The following TTLL12 variants were observed in gnomAD, a reference collection of about 807,000 sequenced individuals.
TTLL12 encodes the protein tubulin--tyrosine ligase-like protein 12.
In TTLL12, 77 loss-of-function variants were observed where a neutral mutation model predicts 79.6. That is an observed-to-expected ratio of 0.97 (90% confidence interval 0.81 to 1.17). The LOEUF (loss-of-function observed/expected upper bound fraction) is 1.17, where lower values mean the gene tolerates loss of function less well. TTLL12 is among the 50% of genes most tolerant of loss of function. The probability of loss-of-function intolerance (pLI) is 0.00; values close to 1 mark genes in which losing one functional copy is unlikely to be tolerated. For synonymous variants in TTLL12, 437 were observed against 376.1 expected (o/e 1.16, Z -1.87); for missense variants, 969 against 895.9 (o/e 1.08, Z -1.04).
At chr22:43,169,695 C>T in intron 11 of TTLL12, 127 bp from the exon 12 acceptor site, 1 of 940,808 alleles carries the variant, frequency 1.1e-6, no homozygotes, top group Non-Finnish European at 1.7e-6. Flanking sequence ...GGCAGCCAAC[C>T]CCGAACCCTC....
chr22:43,170,572 C>G (rs1013174720), intron 11 of TTLL12, among the ~76,000 whole-genome samples: 3 of 152,188 alleles, frequency 2.0e-5, no homozygotes, highest in Non-Finnish European at 4.4e-5. Context: ...GCCAACAAAG[C>G]AAGCTGCAGA....
At position 43,176,376 on chromosome 22, in the gene TTLL12, C is replaced by T; in HGVS notation, c.861G>A (p.Lys287=). ...GGTTGATGTCAAGTGGCAGCTTCTC[C>T]TTGTTTTCCTCCAGAATGGCCTAAA... is the stretch of plus-strand genomic sequence containing the variant. ...EHYQAILEEN[K]EKLPLDINPV... Residue 287 remains lysine, a synonymous_variant, in exon 6 of 14, where the codon AAG becomes AAA. Transcript: ENST00000216129. The T allele has an allele frequency of 6.2e-7, 1 of 1,605,920 alleles. No individual in the cohort carries two copies. The highest frequency in any genetic ancestry group is 8.5e-7 in the Non-Finnish European group (1 of 1,177,278).
Position 43,174,513 on chromosome 22 carries a change from G to A in TTLL12, c.1020C>T (p.His340=). 3.7e-6 allele frequency: 6 copies of A among 1,612,122 alleles called. No individual in the cohort carries two copies. The highest frequency in any genetic ancestry group is 1.3e-5 in the African/African-American group (1 of 75,046). Residue 340 remains histidine, a synonymous_variant, in exon 7 of 14, where the codon CAC becomes CAT. Transcript: ENST00000216129. The part of the protein sequence containing the change: ...ADADILFNFS[H]FKDYRKLSQE... ...GGTGCCCTCACCTGTAGTCCTTGAA[G>A]TGTGAGAAGTTGAAGAGGATGTCGG...
rs764735601 is a variant in TTLL12 at position 43,168,824 on chromosome 22, C to T, written c.1733G>A (p.Arg578Gln). The T allele has an allele frequency of 1.0e-5, 16 of 1,592,032 alleles. No homozygotes were observed. The highest frequency in any genetic ancestry group is 5.4e-5 in the African/African-American group (4 of 74,420). The change falls in exon 13 of 14, where the codon CGG becomes CAG. Residue 578 changes from arginine (R) to glutamine (Q), a missense_variant. Physicochemically the swap from Arg to Gln is conservative, Grantham distance 43. Coordinates refer to ENST00000216129, the MANE Select transcript of TTLL12 (RefSeq NM_015140.4). ...PLGLCDYPSS[R>Q]AMYAVDLMLK... is the part of the protein sequence containing the mutation. ...CATGAGGTCGACGGCATACATGGCC[C>T]GGGATGAGGGGTAGTCGCAGAGGCC...
In TTLL12 at chr22:43,166,847, T is replaced by C. The variant is rs1372413948; in HGVS notation, c.*1161A>G. 1 of 186,636 alleles carries C rather than the reference T, an allele frequency of 5.4e-6. No individual in the cohort carries two copies. Among genetic ancestry groups the C allele is most frequent in the Non-Finnish European group, 1.1e-5 (1 of 88,402 alleles). The allele number at this position is 186,636 out of a possible 1,614,324, so 11.6% of individuals were successfully genotyped here. A position where few individuals can be genotyped will look rare whatever the true frequency, so the allele number is the denominator to read the frequency against. On this transcript the variant is annotated 3_prime_UTR_variant, in exon 14 of 14. Coordinates refer to ENST00000216129, the MANE Select transcript of TTLL12 (RefSeq NM_015140.4). ...AGGTGCAGCTTTGCTACAAGAAAGA[T>C]AGTTCTTAATTTCAAAGAGGAGACA...
intron 6 of TTLL12, chr22:43,175,239 G>A (rs1388161741): frequency 6.6e-6 from 1 of 152,408 alleles, no homozygotes; most frequent in Non-Finnish European, 1.5e-5. Context: ...GAAGGCTGAG[G>A]TGGAATCTGC....
Position 43,186,883 on chromosome 22 carries a change from T to C in TTLL12, c.177+10A>G. The C allele has an allele frequency of 7.9e-7, 1 of 1,259,162 alleles. No individual in the cohort carries two copies. The highest frequency in any genetic ancestry group is 1.0e-6 in the Non-Finnish European group (1 of 1,004,970). 78.0% of individuals were successfully genotyped at this position (1,259,162 alleles called of 1,614,324 possible). On this transcript the variant is annotated intron_variant, in intron 1 of 13. Transcript: ENST00000216129. The stretch of plus-strand genomic sequence containing the variant: ...CGGCCGCCGCACGTGCCCGCCGCCC[T>C]TCCCCGCACCTCGTGCTCCAGCTTG...
chr22:43,176,118 C>A (rs1385802906), intron 6 of TTLL12, among the ~76,000 whole-genome samples: 1 of 151,932 alleles, frequency 6.6e-6, no homozygotes, highest in East Asian at 1.9e-4. Flanking sequence ...GCCCTGCTCG[C>A]TCTCTCACTT....
chr22:43,185,978 G>A (rs1932173336), intron 1 of TTLL12: 1 of 985,456 alleles, frequency 1.0e-6, no homozygotes. Flanking sequence ...TTTCCAGCAG[G>A]AAGGTTCCTA....
intron 3 of TTLL12, 35 bp from the exon 4 acceptor site, chr22:43,180,035 C>T (rs913898555): frequency 2.6e-6 from 4 of 1,534,876 alleles, no homozygotes; most frequent in Admixed American, 3.8e-5. Flanking sequence ...CTCTCGCTCA[C>T]CCATCCACCC....
chr22:43,169,072 C>T (rs977302628), intron 12 of TTLL12, among the ~76,000 whole-genome samples, 160 bp from the exon 13 acceptor site: 34 of 152,228 alleles, frequency 2.2e-4, no homozygotes, highest in Non-Finnish European at 1.5e-5. Context: ...CGCCCAGCAC[C>T]TGCCCTCTTA....
rs1931627175 is a variant in TTLL12, at chr22:43,166,791, A to G, written c.*1217T>C. 1 of 168,706 alleles carries G rather than the reference A, an allele frequency of 5.9e-6. No homozygotes were observed. Among genetic ancestry groups the G allele is most frequent in the Non-Finnish European group, 1.3e-5 (1 of 78,142 alleles). 10.5% of individuals were successfully genotyped at this position (168,706 alleles called of 1,614,324 possible). A position where few individuals can be genotyped will look rare whatever the true frequency, so the allele number is the denominator to read the frequency against. ...AACGCGTGCTTGTAAACAAGGGCCC[A>G]GACAACACAGAGAGGAGAGGCAGCA... On this transcript the variant is annotated 3_prime_UTR_variant, in exon 14 of 14. Coordinates refer to ENST00000216129, the MANE Select transcript of TTLL12 (RefSeq NM_015140.4).
Position 43,187,106 on chromosome 22 carries a change from G to GCCA in TTLL12, c.-38_-37insTGG. On this transcript the variant is annotated 5_prime_UTR_variant, in exon 1 of 14. Transcript: ENST00000216129. The stretch of plus-strand genomic sequence containing the variant: ...CCGCGCCGACTCCAGCGCCGCCACC[G>GCCA]CCGCCGCCGCCCGCCGTCCGTCGGC... The GCCA allele has an allele frequency of 9.4e-7, 1 of 1,061,594 alleles. No homozygotes were observed. Among genetic ancestry groups the GCCA allele is most frequent in the Non-Finnish European group, 1.1e-6 (1 of 882,960 alleles). The allele number at this position is 1,061,594 out of a possible 1,614,324, so 65.8% of individuals were successfully genotyped here.
Position 43,182,397 on chromosome 22 carries a change from C to T in TTLL12, c.347+583G>A, listed in dbSNP as rs570668893. The stretch of plus-strand genomic sequence containing the variant: ...CCAGACCCCTGCCCAAAGAGCTGTG[C>T]GTGGACACAGGGGCCCAGCAAGTTT... On this transcript the variant is annotated intron_variant, in intron 2 of 13. Transcript: ENST00000216129. Among the ~76,000 whole-genome samples, 14 of 152,302 alleles carry T rather than the reference C, an allele frequency of 9.2e-5. No individual in the cohort carries two copies. In the South Asian group the frequency reaches 2.5e-3, roughly 27 times the overall value.
At chr22:43,185,302 T>C (rs532210525) in intron 1 of TTLL12, among the ~76,000 whole-genome samples, 66 of 118,354 alleles carry the variant, frequency 5.6e-4, no homozygotes, top group African/African-American at 2.2e-3. Context: ...TATATATATG[T>C]ATGTATCTTC....
Position 43,166,999 on chromosome 22 carries a change from G to A in TTLL12, c.*1009C>T, listed in dbSNP as rs1931633820. On this transcript the variant is annotated 3_prime_UTR_variant, in exon 14 of 14. Transcript: ENST00000216129. ...AGGCACACTGCAGCCACACAAAAAC[G>A]CTGGCAGCTGACTCCTAATTTCAGA... 2 of 329,150 alleles carry A rather than the reference G, an allele frequency of 6.1e-6. No homozygotes were observed. The highest frequency in any genetic ancestry group is 4.2e-5 in the Admixed American group (1 of 23,950). 20.4% of individuals were successfully genotyped at this position (329,150 alleles called of 1,614,324 possible).
At position 43,186,998 on chromosome 22, in the gene TTLL12, GC is replaced by G; in HGVS notation, c.71del (p.Gly24AlafsTer52). The G allele has an allele frequency of 1.6e-6, 2 of 1,277,514 alleles. No individual in the cohort carries two copies. Among genetic ancestry groups the G allele is most frequent in the South Asian group, 2.3e-5 (1 of 44,294 alleles). 79.1% of individuals were successfully genotyped at this position (1,277,514 alleles called of 1,614,324 possible). A position where few individuals can be genotyped will look rare whatever the true frequency, so the allele number is the denominator to read the frequency against. Reference protein sequence around the residue: ...RSSPGQTPEEGAQALAEFAAL... With the variant: ...RSSPGQTPEEXAQALAEFAAL... ...CCGCGAACTCGGCCAAGGCCTGCGC[GC>G]CCTCCTCCGGCGTCTGGCCCGGGCT... On this transcript the variant is annotated frameshift_variant, in exon 1 of 14. Transcript: ENST00000216129. LOFTEE classifies it high-confidence loss of function.
rs762886119 is a variant in TTLL12, at chr22:43,172,434, A to G, written c.1462T>C (p.Tyr488His). ...GAGAACCGCAGCCAGAACACATCAT[A>G]CACGAACAACCGTAGGGGCCTCACT... The part of the protein sequence containing the change: ...RSVRPLRLFV[Y>H]DVFWLRFSNR... Residue 488 changes from tyrosine (Y) to histidine (H), a missense_variant, in exon 10 of 14, where the codon TAT becomes CAT. Transcript: ENST00000216129. 1 of 1,614,158 alleles carries G rather than the reference A, an allele frequency of 6.2e-7. No individual in the cohort carries two copies. Among genetic ancestry groups the G allele is most frequent in the Admixed American group, 1.7e-5 (1 of 60,022 alleles).
intron 5 of TTLL12, among the ~76,000 whole-genome samples, chr22:43,178,653 T>C (rs1038632639): frequency 5.9e-5 from 9 of 152,082 alleles, no homozygotes; most frequent in Non-Finnish European, 1.2e-4. Context: ...GGTCAACTCG[T>C]CTAACCCTTC....
Sources: gnomAD v4.1 joint callset for allele counts (sites outside exome capture counted in the v4.1 genomes callset) on GRCh38, gnomAD v4.1.1 for gene constraint, MANE v1.5 for transcripts, NCBI Gene and HGNC (gene_info 2026-07-23, HGNC 2026-07-21) for gene names.